HTR4: variants seen among roughly 807,000 people sequenced by gnomAD.
HTR4 encodes the protein 5-hydroxytryptamine (serotonin) receptor 4, G protein-coupled.
Under a neutral mutation model 36.8 loss-of-function variants are expected in HTR4, and 16 were observed. The observed-to-expected ratio is 0.43, with a 90% CI of 0.29 to 0.66. The LOEUF is 0.66. HTR4 is among the 30% of genes least tolerant of loss of function. HTR4 has a pLI of 0.13. For synonymous variants in HTR4, 189 were observed against 185.1 expected (o/e 1.02, Z -0.17); for missense variants, 438 against 490.9 (o/e 0.89, Z 1.02).
rs182293549 is a variant in HTR4 at position 148,618,034 on chromosome 5, C to G, written c.26+18955G>C. Among the ~76,000 whole-genome samples the G allele has an allele frequency of 0.014, 2,153 of 152,218 alleles. 166 individuals are homozygous for G. The East Asian group carries it at 0.23, about 16-fold the overall frequency. ...ATTCCTGGGCCAGCTCTCTCCAAAA[C>G]GTGAGGAGATGGCCATCAGCATCTC... On this transcript the variant is annotated intron_variant, in intron 2 of 6. Coordinates refer to ENST00000377888, the MANE Select transcript of HTR4 (RefSeq NM_000870.7).
At chr5:148,497,008 A>C (rs1410175504) in intron 6 of HTR4, among the ~76,000 whole-genome samples, 3 of 152,174 alleles carry the variant, frequency 2.0e-5, no homozygotes, top group Non-Finnish European at 4.4e-5. Flanking sequence ...ATAACCTCAA[A>C]AGGAAAATCT....
intron 6 of HTR4, among the ~76,000 whole-genome samples, chr5:148,505,550 G>A (rs1757153445): frequency 6.6e-6 from 1 of 152,072 alleles, no homozygotes; most frequent in South Asian, 2.1e-4. Context: ...AAGAAATAAA[G>A]GGTATTCAAT....
intron 6 of HTR4, among the ~76,000 whole-genome samples, chr5:148,500,225 G>A (rs1349255006): frequency 3.3e-5 from 5 of 152,150 alleles, no homozygotes; most frequent in Non-Finnish European, 7.4e-5. Flanking sequence ...TCAGAGGAGT[G>A]TTATGCCCTG....
chr5:148,564,601 C>T (rs1160530699), intron 2 of HTR4, among the ~76,000 whole-genome samples: 1 of 152,114 alleles, frequency 6.6e-6, no homozygotes, highest in Non-Finnish European at 1.5e-5. Flanking sequence ...TCTGTTAATC[C>T]TGTCTCTAAA....
intron 2 of HTR4, among the ~76,000 whole-genome samples, chr5:148,583,710 C>T (rs1439122846): frequency 6.6e-6 from 1 of 152,018 alleles, no homozygotes; most frequent in African/African-American, 2.4e-5. Flanking sequence ...GCACCTACCA[C>T]ACACCCACTC....
chr5:148,516,091 A>T (rs1172025944), intron 5 of HTR4, among the ~76,000 whole-genome samples: 1 of 151,138 alleles, frequency 6.6e-6, no homozygotes, highest in Non-Finnish European at 1.5e-5. Flanking sequence ...ATAAAATTTT[A>T]TCCATTTATC....
chr5:148,493,030 C>A (rs762011209), intron 6 of HTR4, among the ~76,000 whole-genome samples: 2 of 152,216 alleles, frequency 1.3e-5, no homozygotes, highest in African/African-American at 4.8e-5. Context: ...TTAGGCCACC[C>A]GATTAACACA....
chr5:148,525,253 G>A (rs1406574461), intron 4 of HTR4, among the ~76,000 whole-genome samples: 2 of 152,172 alleles, frequency 1.3e-5, no homozygotes, highest in African/African-American at 4.8e-5. Flanking sequence ...TTTCTGAATG[G>A]TGATATTCAT....
intron 4 of HTR4, among the ~76,000 whole-genome samples, chr5:148,542,930 T>C (rs1045438885): frequency 7.9e-5 from 12 of 152,182 alleles, no homozygotes; most frequent in South Asian, 4.1e-4. Flanking sequence ...TGCTATTTCT[T>C]CACACCATAT....
intron 4 of HTR4, among the ~76,000 whole-genome samples, chr5:148,534,068 T>C (rs369721448): frequency 1.1e-4 from 17 of 152,234 alleles, no homozygotes; most frequent in African/African-American, 3.9e-4. Flanking sequence ...TGGAGGTGGT[T>C]ACATGTAAGA....
chr5:148,504,709 G>C (rs1488913785), intron 6 of HTR4, among the ~76,000 whole-genome samples: 1 of 152,060 alleles, frequency 6.6e-6, no homozygotes, highest in Non-Finnish European at 1.5e-5. Flanking sequence ...CCAGGAGCTG[G>C]TTTTTTGAAA....
At chr5:148,491,000 C>A (rs1756399780) in intron 6 of HTR4, among the ~76,000 whole-genome samples, 1 of 152,108 alleles carries the variant, frequency 6.6e-6, no homozygotes, top group Admixed American at 6.6e-5. Flanking sequence ...CTTGTCAATT[C>A]CCGGTATAAG....
chr5:148,617,530 G>A (rs577227955), intron 2 of HTR4, among the ~76,000 whole-genome samples: 14 of 151,548 alleles, frequency 9.2e-5, no homozygotes, highest in African/African-American at 3.2e-4. Flanking sequence ...ATGCAGTGGC[G>A]CGATCCTGGC....
Position 148,523,287 on chromosome 5 carries a change from A to G in HTR4, c.413T>C (p.Ile138Thr). The G allele has an allele frequency of 6.2e-7, 1 of 1,613,392 alleles. No individual in the cohort carries two copies. The highest frequency in any genetic ancestry group is 1.1e-5 in the South Asian group (1 of 91,022). Residue 138 changes from isoleucine to threonine, a missense_variant, in exon 5 of 7, where the codon ATC (isoleucine) becomes ACC (threonine). Transcript: ENST00000377888. ...VYRNKMTPLR[I>T]ALMLGGCWVI... Reference sequence around the variant, plus strand: ...CCAGCAGCCTCCCAGCATTAATGCGATGCGCAGAGGGGTCATCTTGTTCCT... The same window carrying G: ...CCAGCAGCCTCCCAGCATTAATGCGGTGCGCAGAGGGGTCATCTTGTTCCT...
downstream of HTR4, among the ~76,000 whole-genome samples, chr5:148,479,631 C>A (rs1418803185): frequency 6.6e-6 from 1 of 152,116 alleles, no homozygotes; most frequent in Non-Finnish European, 1.5e-5. Context: ...AGATGCTTTC[C>A]ATGTAAACAA....
chr5:148,606,622 C>T (rs1023281015), intron 2 of HTR4, among the ~76,000 whole-genome samples: 5 of 152,020 alleles, frequency 3.3e-5, no homozygotes, highest in Non-Finnish European at 7.4e-5. Flanking sequence ...ATGTTAGCTG[C>T]CATTATTATT....
intron 6 of HTR4, among the ~76,000 whole-genome samples, chr5:148,504,714 T>A (rs1423881612): frequency 1.3e-5 from 2 of 152,054 alleles, no homozygotes; most frequent in African/African-American, 4.8e-5. Flanking sequence ...AGCTGGTTTT[T>A]TGAAAAGATC....
At chr5:148,523,818 A>T (rs933221724) in intron 4 of HTR4, among the ~76,000 whole-genome samples, 2 of 152,068 alleles carry the variant, frequency 1.3e-5, no homozygotes, top group East Asian at 3.9e-4. Flanking sequence ...ATGCCTGTGC[A>T]TTGAGGAGCC....
Position 148,481,866 on chromosome 5 carries a change from G to A in HTR4, c.*1337C>T. The A allele has an allele frequency of 8.0e-7, 1 of 1,253,548 alleles. No individual in the cohort carries two copies. The highest frequency in any genetic ancestry group is 1.0e-6 in the Non-Finnish European group (1 of 1,001,662). The allele number at this position is 1,253,548 out of a possible 1,614,324, so 77.7% of individuals were successfully genotyped here. On this transcript the variant is annotated 3_prime_UTR_variant, in exon 7 of 7. Coordinates refer to ENST00000377888, the MANE Select transcript of HTR4 (RefSeq NM_000870.7). ...CAGATTAATCTGAAGGACAAAGCTGGAAAGGTCAGGGGTCTAAAAGGCCCA... is the reference window on the plus strand; with the variant it reads ...CAGATTAATCTGAAGGACAAAGCTGAAAAGGTCAGGGGTCTAAAAGGCCCA...
Sources: allele counts gnomAD v4.1 joint callset (sites outside exome capture counted in the v4.1 genomes callset), GRCh38; gene constraint gnomAD v4.1.1; transcripts MANE v1.5; gene names NCBI Gene and HGNC (gene_info 2026-07-23, HGNC 2026-07-21).